Variants in UBASH3B observed in about 807,000 individuals in gnomAD.
UBASH3B encodes ubiquitin associated and SH3 domain containing B.
In UBASH3B, 37 loss-of-function variants were observed where a neutral mutation model predicts 83.4. The ratio of observed to expected loss-of-function variants is 0.44; its 90% CI spans 0.34 to 0.58. The LOEUF (loss-of-function observed/expected upper bound fraction) is 0.58, where lower values mean the gene tolerates loss of function less well. Among genes scored for constraint, UBASH3B ranks in the 20% least tolerant of loss-of-function variants. The pLI is 0.01. For synonymous variants in UBASH3B, 304 were observed against 318.3 expected (o/e 0.96, Z 0.48); for missense variants, 657 against 827.2 (o/e 0.79, Z 2.52).
chr11:122,688,650 A>ATTT (rs1330201518), intron 1 of UBASH3B, among the ~76,000 whole-genome samples: 19 of 72,590 alleles, frequency 2.6e-4, no homozygotes, highest in African/African-American at 7.4e-4. Context: ...ATTTTATTTT[A>ATTT]TTTTATTTTT....
rs142760074 is a variant in UBASH3B at position 122,804,427 on chromosome 11, G to A, written c.1596-1983G>A. ...GCATCCTTCCCCTGGACAGTAAGCC[G>A]GTGTGCACAGAAGGCCAGGCTTAGC... On this transcript the variant is annotated intron_variant, in intron 11 of 13. Transcript: ENST00000284273. 7.9e-3 allele frequency among the ~76,000 whole-genome samples: 1,207 copies of A among 152,246 alleles called. 21 individuals are homozygous for A. The highest frequency in any genetic ancestry group is 0.027 in the African/African-American group (1,116 of 41,556).
At chr11:122,693,812 A>G (rs1863926564) in intron 1 of UBASH3B, among the ~76,000 whole-genome samples, 1 of 152,332 alleles carries the variant, frequency 6.6e-6, no homozygotes, top group East Asian at 1.9e-4. Context: ...CGGAGGTTGC[A>G]GTGAGCCGAG....
chr11:122,703,216 G>A (rs1030953331), intron 1 of UBASH3B, among the ~76,000 whole-genome samples: 3 of 151,862 alleles, frequency 2.0e-5, no homozygotes, highest in Admixed American at 6.6e-5. Flanking sequence ...TCACGAGGTC[G>A]GGAGATTGAG....
At chr11:122,739,702 T>A (rs1860994362) in intron 1 of UBASH3B, among the ~76,000 whole-genome samples, 1 of 152,242 alleles carries the variant, frequency 6.6e-6, no homozygotes, top group Admixed American at 6.5e-5. Context: ...TCATCTCTGC[T>A]CACTCTCTGA....
intron 1 of UBASH3B, among the ~76,000 whole-genome samples, chr11:122,768,281 C>T (rs757115645): frequency 9.2e-5 from 14 of 152,222 alleles, no homozygotes; most frequent in Middle Eastern, 3.4e-3. Flanking sequence ...CCCACCACCA[C>T]GGCCAATGAC....
intron 1 of UBASH3B, among the ~76,000 whole-genome samples, chr11:122,729,442 C>T (rs1388428692): frequency 1.3e-5 from 2 of 152,072 alleles, no homozygotes; most frequent in Non-Finnish European, 2.9e-5. Flanking sequence ...TGGAAAAAGA[C>T]ATTTTTGAGA....
Position 122,806,143 on chromosome 11 carries a change from C to G in UBASH3B, c.1596-267C>G, listed in dbSNP as rs1293161238. 1.3e-5 allele frequency among the ~76,000 whole-genome samples: 2 copies of G among 152,168 alleles called. No homozygotes were observed. Among genetic ancestry groups the G allele is most frequent in the Non-Finnish European group, 2.9e-5 (2 of 68,022 alleles). On this transcript the variant is annotated intron_variant, in intron 11 of 13. Transcript: ENST00000284273. The surrounding 1 kb of genome is among the most constrained non-coding windows in gnomAD (Gnocchi z 4.0). ...CATCCATCAATGGCTTATTTGTTAT[C>G]CCGAGAGTGAAACATGCACTGAATG...
At chr11:122,713,724 C>T (rs998975933) in intron 1 of UBASH3B, among the ~76,000 whole-genome samples, 25 of 142,618 alleles carry the variant, frequency 1.8e-4, no homozygotes, top group Admixed American at 3.6e-4. Flanking sequence ...CCAGCCTGGG[C>T]GACAAAGCGA....
chr11:122,745,024 G>A (rs12795507), intron 1 of UBASH3B, among the ~76,000 whole-genome samples: 32,411 of 149,418 alleles, frequency 0.22, 3,589 homozygotes, highest in East Asian at 0.29. Context: ...GTTGAGGAGC[G>A]GTGGTCCTCC....
chr11:122,801,271 C>G lies in UBASH3B; in HGVS notation c.1534C>G (p.Pro512Ala). Residue 512 changes from proline to alanine, a missense_variant, in exon 11 of 14, where the codon CCT (proline) becomes GCT (alanine). This residue lies in a region of UBASH3B where 573 missense variants were observed against 739.0 expected (regional missense o/e 0.78). Transcript: ENST00000284273. ...WTKWVAGSTL[P>A]AWIPPSELAA... ...AAAATGGGTTGCTGGGAGCACATTA[C>G]CTGCATGGATACCTCCATCAGAGTT... The G allele has an allele frequency of 6.2e-7, 1 of 1,614,176 alleles. No individual in the cohort carries two copies. The highest frequency in any genetic ancestry group is 8.5e-7 in the Non-Finnish European group (1 of 1,180,026).
chr11:122,676,190 C>T (rs531446568), intron 1 of UBASH3B, among the ~76,000 whole-genome samples: 1 of 152,112 alleles, frequency 6.6e-6, no homozygotes, highest in South Asian at 2.1e-4. Flanking sequence ...TCGCTTTGAG[C>T]CCAGGAGTTC....
intron 1 of UBASH3B, among the ~76,000 whole-genome samples, chr11:122,721,370 C>T (rs1591785864): frequency 6.6e-6 from 1 of 151,690 alleles, no homozygotes; most frequent in African/African-American, 2.4e-5. Context: ...TTCCACAGCA[C>T]TACGGGGGGG....
At chr11:122,807,857 A>T (rs1861368047) in intron 12 of UBASH3B, among the ~76,000 whole-genome samples, 1 of 152,202 alleles carries the variant, frequency 6.6e-6, no homozygotes, top group Non-Finnish European at 1.5e-5. Flanking sequence ...ACCCGGCCCC[A>T]TAAATCTGTA....
rs1208516132 is a variant in UBASH3B at position 122,789,098 on chromosome 11, A to G, written c.772-2A>G. 1 of 1,610,250 alleles carries G rather than the reference A, an allele frequency of 6.2e-7. No homozygotes were observed. The highest frequency in any genetic ancestry group is 8.5e-7 in the Non-Finnish European group (1 of 1,178,022). ...CTCACTCACCCTCTCTTCCTTTTCCAGACATTACAGGTCATCTACCCCTAT... is the reference window on the plus strand; with the variant it reads ...CTCACTCACCCTCTCTTCCTTTTCCGGACATTACAGGTCATCTACCCCTAT... On this transcript the variant is annotated splice_acceptor_variant, in intron 5 of 13. Transcript: ENST00000284273. LOFTEE classifies it high-confidence loss of function.
chr11:122,678,794 G>A (rs1301084657), intron 1 of UBASH3B, among the ~76,000 whole-genome samples: 1 of 152,172 alleles, frequency 6.6e-6, no homozygotes, highest in Non-Finnish European at 1.5e-5. Context: ...CACTTATGAG[G>A]CATAGCTTAG....
intron 1 of UBASH3B, among the ~76,000 whole-genome samples, chr11:122,700,585 C>G (rs1227558011): frequency 1.3e-5 from 2 of 151,008 alleles, no homozygotes; most frequent in African/African-American, 4.9e-5. Context: ...CAACCTCCAC[C>G]TCCCGGGTTC....
At chr11:122,790,529 G>A (rs1314168634) in intron 6 of UBASH3B, among the ~76,000 whole-genome samples, 1 of 152,198 alleles carries the variant, frequency 6.6e-6, no homozygotes, top group Non-Finnish European at 1.5e-5. Context: ...AACAAGTAAA[G>A]CAAAATATGC....
intron 1 of UBASH3B, among the ~76,000 whole-genome samples, chr11:122,704,603 A>G (rs1368890183): frequency 6.6e-6 from 1 of 151,678 alleles, no homozygotes; most frequent in African/African-American, 2.4e-5. Context: ...TTTGCCTCCC[A>G]GGTTCAAGCA....
At chr11:122,694,954 CTTTTTTTTTTTTTTTTT>C (rs71054088) in intron 1 of UBASH3B, among the ~76,000 whole-genome samples, 42 of 50,416 alleles carry the variant, frequency 8.3e-4, no homozygotes, top group East Asian at 2.8e-3. Flanking sequence ...TCTTTTCTTT[CTTTTTTTTTTTTTTTTT>C]TTTTTTTTTT....
Sources: allele counts gnomAD v4.1 joint callset (sites outside exome capture counted in the v4.1 genomes callset), GRCh38; gene constraint gnomAD v4.1.1; regional missense constraint gnomAD v4.1.1; non-coding constraint Gnocchi (gnomAD v3.1); transcripts MANE v1.5; gene names NCBI Gene and HGNC (gene_info 2026-07-23, HGNC 2026-07-21).